ZNF407: variants seen among roughly 807,000 people sequenced by gnomAD.
ZNF407 encodes the protein zinc finger protein 407.
Under a neutral mutation model 131.2 loss-of-function variants are expected in ZNF407, and 17 were observed. The observed-to-expected ratio is 0.13, with a 90% CI of 0.09 to 0.19. The LOEUF (loss-of-function observed/expected upper bound fraction) is 0.19, where lower values mean the gene tolerates loss of function less well. ZNF407 is among the 10% of genes least tolerant of loss of function. ZNF407 has a pLI of 1.00. For missense variants in ZNF407, 2,681 were observed against 2,830.6 expected, an observed-to-expected ratio of 0.95 and a Z score of 1.20; for synonymous variants, 1,156 against 1,062.0, an observed-to-expected ratio of 1.09 and a Z score of -1.72.
At chr18:74,846,360 A>G (rs1189493204) in intron 4 of ZNF407, among the ~76,000 whole-genome samples, 1 of 149,824 alleles carries the variant, frequency 6.7e-6, no homozygotes, top group Non-Finnish European at 1.5e-5. Flanking sequence ...TTTTTTTTGG[A>G]GACGGAATCT....
intron 3 of ZNF407, among the ~76,000 whole-genome samples, chr18:74,685,157 A>G (rs574989765): frequency 6.6e-6 from 1 of 152,194 alleles, no homozygotes; most frequent in Non-Finnish European, 1.5e-5. Flanking sequence ...GGTTGTTTTT[A>G]TTATAAAGGT....
At chr18:75,003,669 C>T (rs992481846) in intron 8 of ZNF407, among the ~76,000 whole-genome samples, 1 of 152,142 alleles carries the variant, frequency 6.6e-6, no homozygotes, top group Non-Finnish European at 1.5e-5. Flanking sequence ...TTCAGGAGGT[C>T]ACATAATACA....
intron 4 of ZNF407, among the ~76,000 whole-genome samples, chr18:74,852,237 T>C (rs1008913216): frequency 2.0e-5 from 3 of 152,098 alleles, no homozygotes; most frequent in Admixed American, 1.3e-4. Context: ...ATTGCTGGCT[T>C]TATTTTTCTT....
chr18:74,723,953 GT>G (rs1294224703), intron 3 of ZNF407, among the ~76,000 whole-genome samples: 1 of 141,330 alleles, frequency 7.1e-6, no homozygotes, highest in African/African-American at 2.6e-5. Flanking sequence ...GGTGGGGGGG[GT>G]TTGTTTGGCA....
chr18:74,711,943 C>G (rs560587338), intron 3 of ZNF407, among the ~76,000 whole-genome samples: 6 of 152,306 alleles, frequency 3.9e-5, no homozygotes, highest in Admixed American at 2.6e-4. Flanking sequence ...CTCCCAAACT[C>G]AAGTGACCCA....
At chr18:74,610,517 G>GT (rs139355486) in intron 1 of ZNF407, among the ~76,000 whole-genome samples, 22,617 of 152,016 alleles carry the variant, frequency 0.15, 2,010 homozygotes, top group African/African-American at 0.23. Flanking sequence ...TAACTCTTTA[G>GT]TTTTTTAGAA....
chr18:74,935,495 A>G (rs902179651), intron 8 of ZNF407, among the ~76,000 whole-genome samples: 3 of 152,198 alleles, frequency 2.0e-5, no homozygotes, highest in Non-Finnish European at 4.4e-5. Context: ...GGGACCAGAT[A>G]GAATCCCCCT....
chr18:74,925,298 T>A (rs1202964851), intron 8 of ZNF407, among the ~76,000 whole-genome samples: 1 of 152,198 alleles, frequency 6.6e-6, no homozygotes, highest in Non-Finnish European at 1.5e-5. Context: ...TATTCTTCTC[T>A]AAGATAAGCA....
intron 4 of ZNF407, chr18:74,804,204 C>G (rs1970072282): frequency 3.0e-6 from 4 of 1,331,514 alleles, no homozygotes; most frequent in Non-Finnish European, 3.9e-6. Context: ...TGATGTAAAT[C>G]ATCACACAAA....
intron 1 of ZNF407, among the ~76,000 whole-genome samples, chr18:74,621,652 C>T (rs1169830360): frequency 1.3e-5 from 2 of 152,264 alleles, no homozygotes; most frequent in East Asian, 3.9e-4. Flanking sequence ...GCAGGAAGCA[C>T]AGGGTCTCTT....
chr18:75,028,838 C>T (rs1399931710), intron 8 of ZNF407, among the ~76,000 whole-genome samples: 1 of 152,214 alleles, frequency 6.6e-6, no homozygotes, highest in African/African-American at 2.4e-5. Flanking sequence ...TTGTGTCTGT[C>T]TCCTGAAGTA....
intron 4 of ZNF407, among the ~76,000 whole-genome samples, chr18:74,827,346 A>G (rs941207319): frequency 1.3e-5 from 2 of 152,194 alleles, no homozygotes; most frequent in African/African-American, 2.4e-5. Context: ...GTTGCCAAAT[A>G]TAGACTTTAT....
chr18:74,909,113 A>G (rs928473864), intron 7 of ZNF407, among the ~76,000 whole-genome samples: 2 of 60,782 alleles, frequency 3.3e-5, no homozygotes, highest in African/African-American at 1.0e-4. Flanking sequence ...AAAGTATACT[A>G]TAAACAGGCC....
intron 8 of ZNF407, among the ~76,000 whole-genome samples, chr18:75,009,940 G>T (rs1972955002): frequency 6.6e-6 from 1 of 152,102 alleles, no homozygotes; most frequent in African/African-American, 2.4e-5. Context: ...ACATAGAATT[G>T]CATTTTACAA....
chr18:74,778,195 G>A (rs1050992549), intron 3 of ZNF407, among the ~76,000 whole-genome samples: 1 of 152,012 alleles, frequency 6.6e-6, no homozygotes, highest in Non-Finnish European at 1.5e-5. Flanking sequence ...TCCCTGGATG[G>A]GACTGTCCTC....
chr18:74,762,811 G>A (rs559601206), intron 3 of ZNF407, among the ~76,000 whole-genome samples: 9 of 151,542 alleles, frequency 5.9e-5, no homozygotes, highest in Non-Finnish European at 2.9e-5. Context: ...GAATTACATT[G>A]TTTCTTTATC....
intron 8 of ZNF407, among the ~76,000 whole-genome samples, chr18:74,938,555 C>T (rs943718862): frequency 2.6e-5 from 4 of 152,144 alleles, no homozygotes; most frequent in African/African-American, 7.2e-5. Context: ...TGTACCACTT[C>T]GTTGGTACCT....
intron 8 of ZNF407, among the ~76,000 whole-genome samples, chr18:74,939,719 A>G (rs1972076069): frequency 6.6e-6 from 1 of 152,218 alleles, no homozygotes; most frequent in Admixed American, 6.5e-5. Context: ...TATATCATCT[A>G]CAGTGTGTTG....
rs1013813517 is a variant in ZNF407, at chr18:74,868,590, A to G, written c.4878-8607A>G. ...TGCAACTTGATTGCTCGTCCTATGT[A>G]GCCTGTTCCCCCACAACCCCCGTCA... On this transcript the variant is annotated intron_variant, in intron 4 of 8. Transcript: ENST00000299687. Among the ~76,000 whole-genome samples, 68 of 152,300 alleles carry G rather than the reference A, an allele frequency of 4.5e-4. 1 individual carries two copies. The highest frequency in any genetic ancestry group is 1.6e-3 in the African/African-American group (65 of 41,568).
Sources: allele counts gnomAD v4.1 joint callset (sites outside exome capture counted in the v4.1 genomes callset), GRCh38; gene constraint gnomAD v4.1.1; transcripts MANE v1.5; gene names NCBI Gene and HGNC (gene_info 2026-07-23, HGNC 2026-07-21).